Variants in LUZP2 observed in about 807,000 individuals in gnomAD.
LUZP2 encodes leucine zipper protein 2.
Under a neutral mutation model 51.6 loss-of-function variants are expected in LUZP2, and 52 were observed. The ratio of observed to expected loss-of-function variants is 1.01; its 90% confidence interval spans 0.81 to 1.27. LUZP2 has a LOEUF of 1.27. LUZP2 is among the 50% of genes most tolerant of loss of function. The probability of loss-of-function intolerance (pLI) is 0.00; values close to 1 mark genes in which losing one functional copy is unlikely to be tolerated. For synonymous variants in LUZP2, 154 were observed against 137.3 expected (o/e 1.12, Z -0.85); for missense variants, 436 against 395.4 (o/e 1.10, Z -0.87).
chr11:25,078,208 CATT>C (rs1209066799), intron 11 of LUZP2, among the ~76,000 whole-genome samples: 1 of 152,274 alleles, frequency 6.6e-6, no homozygotes, highest in Non-Finnish European at 1.5e-5. Flanking sequence ...AATATTGTAT[CATT>C]GACATTCTTA....
chr11:25,032,930 A>C (rs1857733597), intron 9 of LUZP2, among the ~76,000 whole-genome samples: 1 of 152,206 alleles, frequency 6.6e-6, no homozygotes, highest in Non-Finnish European at 1.5e-5. Flanking sequence ...CAAGACAGCT[A>C]TTCAACTTTT....
At chr11:24,683,652 G>C (rs1415659781) in intron 1 of LUZP2, among the ~76,000 whole-genome samples, 1 of 152,082 alleles carries the variant, frequency 6.6e-6, no homozygotes, top group Non-Finnish European at 1.5e-5. Flanking sequence ...TCATTCATTA[G>C]AGACATTTGC....
At chr11:24,681,674 T>C (rs946606260) in intron 1 of LUZP2, among the ~76,000 whole-genome samples, 8 of 152,236 alleles carry the variant, frequency 5.3e-5, no homozygotes, top group African/African-American at 1.9e-4. Flanking sequence ...ACACTAAGGA[T>C]AATTAGCTTC....
Position 24,726,934 on chromosome 11 carries a change from A to G in LUZP2, c.63-2235A>G, listed in dbSNP as rs141123735. ...GCAGTGTAATTTGGTTTCCTCTTAC[A>G]TAAGGACCTTAAATGTTTGAATCTA... On this transcript the variant is annotated intron_variant, in intron 1 of 11. Coordinates refer to ENST00000336930, the MANE Select transcript of LUZP2 (RefSeq NM_001009909.4). Among the ~76,000 whole-genome samples the G allele has an allele frequency of 6.0e-4, 92 of 152,240 alleles. 1 individual carries two copies. The South Asian group carries it at 0.011, about 19-fold the overall frequency.
At chr11:25,018,231 A>G (rs1359870214) in intron 9 of LUZP2, among the ~76,000 whole-genome samples, 1 of 152,114 alleles carries the variant, frequency 6.6e-6, no homozygotes, top group East Asian at 1.9e-4. Flanking sequence ...TATTCTAGGT[A>G]TGCAACCATG....
intron 1 of LUZP2, among the ~76,000 whole-genome samples, chr11:24,537,618 C>A (rs531039826): frequency 2.4e-4 from 36 of 148,008 alleles, no homozygotes; most frequent in Non-Finnish European, 4.3e-4. Context: ...ATAGAGGCCC[C>A]CTTTTTTATA....
In LUZP2 at chr11:24,585,846, T is replaced by A. The variant is rs564568129; in HGVS notation, c.62+88541T>A. Among the ~76,000 whole-genome samples, 3 of 152,264 alleles carry A rather than the reference T, an allele frequency of 2.0e-5. No individual in the cohort carries two copies. In the South Asian group the frequency reaches 6.2e-4, roughly 32 times the overall value. ...AGGAATTAAACCAATGTAATATGAT[T>A]TCAGAATGATGATTCTAACACTGCA... is the stretch of plus-strand genomic sequence containing the variant. On this transcript the variant is annotated intron_variant, in intron 1 of 11. Transcript: ENST00000336930.
chr11:24,755,522 C>T (rs11028145), intron 4 of LUZP2, among the ~76,000 whole-genome samples: 11,581 of 152,140 alleles, frequency 0.076, 692 homozygotes, highest in African/African-American at 0.17. Flanking sequence ...ACCAAGGATT[C>T]GAACATGTTG....
rs183624873 is a variant in LUZP2, at chr11:24,995,080, A to G, written c.765+11787A>G. ...TTATAACCACAAAATAAATTGATATAGGTTTTGCTTTTAAAAATGAATTAC... is the reference window on the plus strand; with the variant it reads ...TTATAACCACAAAATAAATTGATATGGGTTTTGCTTTTAAAAATGAATTAC... On this transcript the variant is annotated intron_variant, in intron 9 of 11. Coordinates refer to ENST00000336930, the MANE Select transcript of LUZP2 (RefSeq NM_001009909.4). 3.9e-5 allele frequency among the ~76,000 whole-genome samples: 6 copies of G among 152,316 alleles called. No individual in the cohort carries two copies. In the East Asian group the frequency reaches 1.2e-3, roughly 29 times the overall value.
chr11:24,626,407 C>A (rs1854684427), intron 1 of LUZP2, among the ~76,000 whole-genome samples: 1 of 152,162 alleles, frequency 6.6e-6, no homozygotes, highest in Admixed American at 6.6e-5. Flanking sequence ...TTAAACTGCT[C>A]AACTGTGAAG....
At chr11:24,922,575 C>T (rs937197235) in intron 7 of LUZP2, among the ~76,000 whole-genome samples, 4 of 152,046 alleles carry the variant, frequency 2.6e-5, no homozygotes, top group Non-Finnish European at 5.9e-5. Context: ...GAATTTATTT[C>T]CAGTTAAATG....
intron 5 of LUZP2, among the ~76,000 whole-genome samples, chr11:24,828,484 A>C (rs946680012): frequency 6.6e-5 from 10 of 151,814 alleles, no homozygotes; most frequent in African/African-American, 2.4e-4. Context: ...TTAGTGATTA[A>C]GAAAAATCAC....
chr11:24,964,795 A>ATT (rs201422690), intron 7 of LUZP2, among the ~76,000 whole-genome samples: 19 of 150,936 alleles, frequency 1.3e-4, no homozygotes, highest in African/African-American at 4.6e-4. Flanking sequence ...ATCTCAAAGC[A>ATT]TTTTTTTTTA....
At chr11:24,787,990 C>A (rs1002853647) in intron 5 of LUZP2, among the ~76,000 whole-genome samples, 7 of 151,844 alleles carry the variant, frequency 4.6e-5, no homozygotes, top group African/African-American at 1.7e-4. Context: ...GGCATTGTCC[C>A]CGTAAACTTT....
rs67113520 is a variant in LUZP2 at position 24,538,668 on chromosome 11, GTATA to G, written c.62+41374_62+41377del. On this transcript the variant is annotated intron_variant, in intron 1 of 11. Transcript: ENST00000336930. ...GTTTTTTATATGTGTGTGTGTGTGT[GTATA>G]TATATATATAAAACTTTCAAAAAAA... 1.5e-3 allele frequency among the ~76,000 whole-genome samples: 200 copies of G among 133,332 alleles called. 1 individual carries two copies. Among genetic ancestry groups the G allele is most frequent in the African/African-American group, 5.5e-3 (190 of 34,312 alleles). 87.5% of individuals were successfully genotyped at this position (133,332 alleles called of 152,430 possible).
At chr11:25,025,583 C>T (rs1248935686) in intron 9 of LUZP2, among the ~76,000 whole-genome samples, 1 of 152,096 alleles carries the variant, frequency 6.6e-6, no homozygotes, top group Non-Finnish European at 1.5e-5. Flanking sequence ...CAAATCAAAA[C>T]CACAATGAGA....
At position 25,006,152 on chromosome 11, in the gene LUZP2, C is replaced by T. The variant is rs546555513; in HGVS notation, c.765+22859C>T. 1.8e-4 allele frequency among the ~76,000 whole-genome samples: 28 copies of T among 152,084 alleles called. No homozygotes were observed. The South Asian group carries it at 5.6e-3, about 30-fold the overall frequency. On this transcript the variant is annotated intron_variant, in intron 9 of 11. Coordinates refer to ENST00000336930, the MANE Select transcript of LUZP2 (RefSeq NM_001009909.4). Reference sequence around the variant, plus strand: ...ATTATGTCTTTCTGATTGGTGAGCCCGGGTGCCTAAAGAAGGTAACAGAGT... The same window carrying T: ...ATTATGTCTTTCTGATTGGTGAGCCTGGGTGCCTAAAGAAGGTAACAGAGT...
chr11:24,565,809 T>C (rs1852195931), intron 1 of LUZP2, among the ~76,000 whole-genome samples: 1 of 152,144 alleles, frequency 6.6e-6, no homozygotes, highest in Non-Finnish European at 1.5e-5. Flanking sequence ...TGTCTTCTTA[T>C]AACTGAAAAG....
At chr11:24,854,141 G>T (rs1851480371) in intron 5 of LUZP2, among the ~76,000 whole-genome samples, 1 of 152,230 alleles carries the variant, frequency 6.6e-6, no homozygotes, top group African/African-American at 2.4e-5. Context: ...AGCAGAGCTA[G>T]AGCACTGTGC....
Sources: gnomAD v4.1 joint callset for allele counts (sites outside exome capture counted in the v4.1 genomes callset) on GRCh38, gnomAD v4.1.1 for gene constraint, MANE v1.5 for transcripts, NCBI Gene and HGNC (gene_info 2026-07-23, HGNC 2026-07-21) for gene names.